Variants in DOCK4 observed in about 807,000 individuals in gnomAD.
DOCK4 encodes the protein dedicator of cytokinesis 4.
Under a neutral mutation model 268.1 loss-of-function variants are expected in DOCK4, and 97 were observed. That is an observed-to-expected ratio of 0.36 (90% confidence interval 0.31 to 0.43). The LOEUF is 0.43. Among genes scored for constraint, DOCK4 ranks in the 20% least tolerant of loss-of-function variants. The pLI is 1.00. For missense variants in DOCK4, 2,145 were observed against 2,455.7 expected, an observed-to-expected ratio of 0.87 and a Z score of 2.67; for synonymous variants, 954 against 887.2, an observed-to-expected ratio of 1.08 and a Z score of -1.34.
intron 1 of DOCK4, among the ~76,000 whole-genome samples, chr7:112,081,636 A>T (rs1450613618): frequency 2.6e-5 from 4 of 152,152 alleles, no homozygotes; most frequent in Non-Finnish European, 5.9e-5. Flanking sequence ...TTTGTCAGTT[A>T]TCTCAAATGT....
chr7:112,186,103 C>T (rs140968140), intron 1 of DOCK4, among the ~76,000 whole-genome samples: 4 of 152,304 alleles, frequency 2.6e-5, no homozygotes, highest in Non-Finnish European at 4.4e-5. Flanking sequence ...GGAAGCAGAC[C>T]GAGCAGAGGT....
At chr7:112,144,475 C>G (rs1815246925) in intron 1 of DOCK4, among the ~76,000 whole-genome samples, 1 of 152,162 alleles carries the variant, frequency 6.6e-6, no homozygotes, top group African/African-American at 2.4e-5. Flanking sequence ...ATCCAAAGGC[C>G]ACACAAAAAA....
chr7:111,883,377 G>C (rs1807573245), intron 16 of DOCK4, among the ~76,000 whole-genome samples: 1 of 152,046 alleles, frequency 6.6e-6, no homozygotes, highest in African/African-American at 2.4e-5. Flanking sequence ...CCACTTCCTA[G>C]TGTGACTAAG....
chr7:111,895,549 A>G (rs1808676189), intron 16 of DOCK4, 63 bp downstream of exon 16: 2 of 1,340,810 alleles, frequency 1.5e-6, no homozygotes, highest in Non-Finnish European at 2.1e-6. Context: ...AAATGATAAG[A>G]TAGTGAGGTG....
At chr7:112,050,306 G>C (rs1300929155) in intron 1 of DOCK4, among the ~76,000 whole-genome samples, 1 of 152,070 alleles carries the variant, frequency 6.6e-6, no homozygotes, top group African/African-American at 2.4e-5. Context: ...CGTTTCCCTG[G>C]ACTATGGAGG....
chr7:111,942,423 C>G (rs1204794739), intron 10 of DOCK4, among the ~76,000 whole-genome samples: 1 of 152,158 alleles, frequency 6.6e-6, no homozygotes, highest in African/African-American at 2.4e-5. Flanking sequence ...CGCCAAGTTT[C>G]TCTTCAAATA....
At chr7:111,998,395 G>T in intron 4 of DOCK4, 53 bp downstream of exon 4, 1 of 1,374,720 alleles carries the variant, frequency 7.3e-7, no homozygotes, top group Non-Finnish European at 9.9e-7. Context: ...AATTCCAAAA[G>T]AAGCAAAGGC....
At chr7:111,875,799 G>C (rs1806813091) in intron 17 of DOCK4, among the ~76,000 whole-genome samples, 1 of 152,198 alleles carries the variant, frequency 6.6e-6, no homozygotes, top group Non-Finnish European at 1.5e-5. Flanking sequence ...CAGTGGAACT[G>C]ATTTTGTATA....
At chr7:112,012,280 G>A (rs1029180709) in intron 1 of DOCK4, among the ~76,000 whole-genome samples, 1 of 151,774 alleles carries the variant, frequency 6.6e-6, no homozygotes, top group African/African-American at 2.4e-5. Flanking sequence ...AACTTAGACA[G>A]ACGCAGGCTT....
intron 12 of DOCK4, among the ~76,000 whole-genome samples, chr7:111,934,920 T>C (rs1280396644): frequency 2.0e-5 from 3 of 151,964 alleles, no homozygotes; most frequent in East Asian, 1.9e-4. Context: ...AATCCAAGCA[T>C]CATATTTGTC....
At chr7:112,163,935 A>G (rs1817364304) in intron 1 of DOCK4, among the ~76,000 whole-genome samples, 1 of 152,194 alleles carries the variant, frequency 6.6e-6, no homozygotes, top group African/African-American at 2.4e-5. Flanking sequence ...AGCATTTATT[A>G]TGTACCAAAC....
At chr7:112,113,734 A>ATTTTTTTTTTTTTTTTTTTTTT (rs57672966) in intron 1 of DOCK4, among the ~76,000 whole-genome samples, 1 of 49,548 alleles carries the variant, frequency 2.0e-5, no homozygotes, top group Non-Finnish European at 3.7e-5. Context: ...TACTTGGCTG[A>ATTTTTTTTTTTTTTTTTTTTTT]TTTTTTTTTT....
chr7:111,939,983 G>A, intron 11 of DOCK4, 127 bp downstream of exon 11: 3 of 942,602 alleles, frequency 3.2e-6, no homozygotes, highest in Non-Finnish European at 3.2e-6. Flanking sequence ...AGATTACTGG[G>A]TTTTTGAGGA....
At chr7:111,878,254 C>A (rs926928495) in intron 16 of DOCK4, among the ~76,000 whole-genome samples, 2 of 152,216 alleles carry the variant, frequency 1.3e-5, no homozygotes, top group South Asian at 4.1e-4. Context: ...CAGATTTGAA[C>A]AAACCTGCTG....
chr7:111,985,762 T>C (rs1387925844), intron 6 of DOCK4, among the ~76,000 whole-genome samples: 1 of 152,212 alleles, frequency 6.6e-6, no homozygotes, highest in Non-Finnish European at 1.5e-5. Flanking sequence ...TAACTCACAA[T>C]AAACACTGTG....
At chr7:111,885,013 C>G (rs917114773) in intron 16 of DOCK4, among the ~76,000 whole-genome samples, 2 of 152,116 alleles carry the variant, frequency 1.3e-5, no homozygotes, top group African/African-American at 4.8e-5. Flanking sequence ...AGATTTTGAA[C>G]TAGAGTATGG....
At chr7:112,034,739 A>G (rs1803590221) in intron 1 of DOCK4, among the ~76,000 whole-genome samples, 1 of 152,082 alleles carries the variant, frequency 6.6e-6, no homozygotes. Flanking sequence ...ATCCCTACTA[A>G]AAACACAAAA....
intron 5 of DOCK4, among the ~76,000 whole-genome samples, chr7:111,990,915 C>G (rs1859026): frequency 0.22 from 33,335 of 152,082 alleles, 4,174 homozygotes; most frequent in East Asian, 0.38. Context: ...TTGTGGATCT[C>G]AAGAGGTAGA....
chr7:112,025,508 A>G (rs1370308757), intron 1 of DOCK4, among the ~76,000 whole-genome samples: 7 of 151,736 alleles, frequency 4.6e-5, no homozygotes, highest in South Asian at 4.1e-4. Flanking sequence ...TATCAGTGTG[A>G]TAAGTTCCTT....
Sources: gnomAD v4.1 joint callset for allele counts (sites outside exome capture counted in the v4.1 genomes callset) on GRCh38, gnomAD v4.1.1 for gene constraint, MANE v1.5 for transcripts, NCBI Gene and HGNC (gene_info 2026-07-23, HGNC 2026-07-21) for gene names.